EPC1: variants seen among roughly 807,000 people sequenced by gnomAD.
EPC1 encodes the protein enhancer of polycomb homolog 1.
EPC1 carries 12 observed loss-of-function variants against 98.4 expected under a neutral mutation model. That is an observed-to-expected ratio of 0.12 (90% CI 0.08 to 0.20). The LOEUF (loss-of-function observed/expected upper bound fraction) is 0.20. EPC1 is among the 10% of genes least tolerant of loss of function. The probability of loss-of-function intolerance (pLI) is 1.00; values close to 1 mark genes in which losing one functional copy is unlikely to be tolerated. For synonymous variants in EPC1, 357 were observed against 363.9 expected (o/e 0.98, Z 0.21); for missense variants, 729 against 990.5 (o/e 0.74, Z 3.54).
intron 1 of EPC1, chr10:32,345,522 T>C (rs957428211): frequency 8.1e-6 from 8 of 985,418 alleles, no homozygotes; most frequent in African/African-American, 1.7e-5. Flanking sequence ...CTGGACTTCC[T>C]TGAACTGTCA....
chr10:32,328,257 C>T (rs1423144536), intron 1 of EPC1, among the ~76,000 whole-genome samples: 1 of 152,164 alleles, frequency 6.6e-6, no homozygotes, highest in Non-Finnish European at 1.5e-5. Flanking sequence ...TTAATGCTCT[C>T]AGTTGAATAA....
intron 1 of EPC1, among the ~76,000 whole-genome samples, chr10:32,336,590 TA>T (rs1300581619): frequency 6.6e-6 from 1 of 152,192 alleles, no homozygotes; most frequent in African/African-American, 2.4e-5. Flanking sequence ...CTCCTATACC[TA>T]CCTCATCTCT....
At chr10:32,297,240 T>TAGAA (rs1345260245) in intron 2 of EPC1, among the ~76,000 whole-genome samples, 3 of 151,720 alleles carry the variant, frequency 2.0e-5, no homozygotes, top group African/African-American at 4.8e-5. Context: ...CTTTTCTAAT[T>TAGAA]AAGTTCTATC....
At chr10:32,377,810 GA>G (rs1839899944) in intron 1 of EPC1, among the ~76,000 whole-genome samples, 1 of 150,142 alleles carries the variant, frequency 6.7e-6, no homozygotes, top group Non-Finnish European at 1.5e-5. Context: ...TGTGCAAAAA[GA>G]AAAAAAATTA....
chr10:32,288,312 C>CTTT (rs5784278), intron 6 of EPC1, among the ~76,000 whole-genome samples: 25 of 124,092 alleles, frequency 2.0e-4, no homozygotes, highest in African/African-American at 4.2e-4. Context: ...TTACTTTTTT[C>CTTT]TTTTTTTTTT....
intron 1 of EPC1, among the ~76,000 whole-genome samples, chr10:32,345,851 G>C (rs1301733881): frequency 1.8e-4 from 27 of 152,182 alleles, no homozygotes; most frequent in Admixed American, 1.8e-3. Flanking sequence ...ATCTATAAAA[G>C]TTACTTAAAT....
At chr10:32,320,191 GTT>G (rs374061587) in intron 1 of EPC1, among the ~76,000 whole-genome samples, 3,026 of 145,350 alleles carry the variant, frequency 0.021, 107 homozygotes, top group African/African-American at 0.072. Context: ...AATAATGGTT[GTT>G]TTTTTTTTTT....
intron 1 of EPC1, among the ~76,000 whole-genome samples, chr10:32,314,076 T>C (rs1225846217): frequency 1.3e-5 from 2 of 152,184 alleles, no homozygotes; most frequent in Admixed American, 6.5e-5. Context: ...TTCCAATTTT[T>C]CATTGTACAG....
intron 1 of EPC1, among the ~76,000 whole-genome samples, chr10:32,336,124 A>G (rs1409384392): frequency 6.8e-6 from 1 of 147,800 alleles, no homozygotes; most frequent in African/African-American, 2.6e-5. Flanking sequence ...GCTGGAGTGC[A>G]ATGGCACGAT....
At chr10:32,289,878 C>G (rs1836900532) in intron 6 of EPC1, among the ~76,000 whole-genome samples, 1 of 152,098 alleles carries the variant, frequency 6.6e-6, no homozygotes, top group African/African-American at 2.4e-5. Flanking sequence ...CCTGCCTCGG[C>G]TTCCCAGAGA....
chr10:32,358,101 C>T (rs890333463), intron 1 of EPC1, among the ~76,000 whole-genome samples: 2 of 151,910 alleles, frequency 1.3e-5, no homozygotes, highest in African/African-American at 2.4e-5. Context: ...GTGATCCACC[C>T]GCCTCAGCCT....
rs975040648 is a variant in EPC1 at position 32,268,619 on chromosome 10, A to G, written c.*444T>C. 1 of 153,100 alleles carries G rather than the reference A, an allele frequency of 6.5e-6. No homozygotes were observed. Among genetic ancestry groups the G allele is most frequent in the Admixed American group, 6.5e-5 (1 of 15,340 alleles). The allele number at this position is 153,100 out of a possible 1,614,324, so 9.5% of individuals were successfully genotyped here. Reference sequence around the variant, plus strand: ...ACAGCACAGGAACCAATGAAGGTACAGTGTACAAAAAACTGTAAACACGGC... The same window carrying G: ...ACAGCACAGGAACCAATGAAGGTACGGTGTACAAAAAACTGTAAACACGGC... On this transcript the variant is annotated 3_prime_UTR_variant, in exon 14 of 14. Transcript: ENST00000319778.
chr10:32,297,999 G>A (rs901164062), intron 2 of EPC1, among the ~76,000 whole-genome samples: 9 of 151,828 alleles, frequency 5.9e-5, no homozygotes, highest in Non-Finnish European at 8.8e-5. Flanking sequence ...GGGTTTCACC[G>A]TGTTAGCCAG....
intron 2 of EPC1, among the ~76,000 whole-genome samples, chr10:32,301,385 T>G (rs562331877): frequency 2.8e-4 from 42 of 152,300 alleles, no homozygotes; most frequent in Admixed American, 9.2e-4. Flanking sequence ...CTTAAGGCAA[T>G]TCCCACAAAA....
chr10:32,311,995 A>G (rs537502553), intron 1 of EPC1, among the ~76,000 whole-genome samples: 1 of 152,322 alleles, frequency 6.6e-6, no homozygotes, highest in East Asian at 1.9e-4. Flanking sequence ...TTTCCACTTA[A>G]TATTTTCAGA....
chr10:32,348,396 C>T (rs1168005680), upstream of EPC1, among the ~76,000 whole-genome samples: 4 of 152,038 alleles, frequency 2.6e-5, no homozygotes, highest in Non-Finnish European at 5.9e-5. Flanking sequence ...CAAAAAGATA[C>T]AAAAATGTTT....
intron 1 of EPC1, among the ~76,000 whole-genome samples, chr10:32,336,131 C>A (rs568658528): frequency 6.6e-6 from 1 of 150,610 alleles, no homozygotes; most frequent in Non-Finnish European, 1.5e-5. Context: ...TGCAATGGCA[C>A]GATCTCGGCT....
At chr10:32,324,977 GC>G (rs1196440881) in intron 1 of EPC1, among the ~76,000 whole-genome samples, 1 of 152,104 alleles carries the variant, frequency 6.6e-6, no homozygotes, top group African/African-American at 2.4e-5. Flanking sequence ...TCCAGCCAGG[GC>G]GACAGAGTGA....
intron 1 of EPC1, among the ~76,000 whole-genome samples, chr10:32,330,327 A>G (rs1837567697): frequency 6.6e-6 from 1 of 152,218 alleles, no homozygotes. Context: ...AACTTTTGCT[A>G]GCCTGTCTAC....
Sources: allele counts gnomAD v4.1 joint callset (sites outside exome capture counted in the v4.1 genomes callset), GRCh38; gene constraint gnomAD v4.1.1; transcripts MANE v1.5; gene names NCBI Gene and HGNC (gene_info 2026-07-23, HGNC 2026-07-21).